Variants in ITPK1 observed in about 807,000 individuals in gnomAD.
The protein encoded by ITPK1 is inositol-tetrakisphosphate 1-kinase.
Under a neutral mutation model 45.3 loss-of-function variants are expected in ITPK1, and 21 were observed. That is an observed-to-expected ratio of 0.46 (90% CI 0.33 to 0.67). The LOEUF is 0.67. ITPK1 is among the 30% of genes least tolerant of loss of function. ITPK1 has a pLI of 0.02. For synonymous variants in ITPK1, 258 were observed against 253.6 expected (o/e 1.02, Z -0.16); for missense variants, 474 against 573.5 (o/e 0.83, Z 1.77).
chr14:92,959,092 T>C lies in ITPK1; in HGVS notation c.505-726A>G, dbSNP rs12431825. ...TTGTGCTCCTGGTCCCCGACTCCTCTGGGGAAAAAGGTCCCTGACAGGAGG... is the reference window on the plus strand; with the variant it reads ...TTGTGCTCCTGGTCCCCGACTCCTCCGGGGAAAAAGGTCCCTGACAGGAGG... On this transcript the variant is annotated intron_variant, in intron 7 of 10. Coordinates refer to ENST00000267615, the MANE Select transcript of ITPK1 (RefSeq NM_014216.6). 8.9e-3 allele frequency among the ~76,000 whole-genome samples: 1,359 copies of C among 152,190 alleles called. 17 individuals are homozygous for C. Among genetic ancestry groups the C allele is most frequent in the African/African-American group, 0.031 (1,277 of 41,504 alleles).
chr14:93,108,811 G>A (rs966964803), intron 2 of ITPK1, among the ~76,000 whole-genome samples: 2 of 152,196 alleles, frequency 1.3e-5, no homozygotes, highest in African/African-American at 2.4e-5. Flanking sequence ...CCAGGAGTTC[G>A]AAACCAACCT....
intron 3 of ITPK1, chr14:93,066,281 G>T: frequency 2.2e-6 from 1 of 454,644 alleles, no homozygotes. Context: ...AGCTCAGCTT[G>T]GTGTGCGTGC....
In ITPK1 at chr14:93,076,936, C is replaced by A. The variant is rs1308772650; in HGVS notation, c.96-317G>T. 1.3e-5 allele frequency among the ~76,000 whole-genome samples: 2 copies of A among 152,160 alleles called. No homozygotes were observed. The highest frequency in any genetic ancestry group is 2.9e-5 in the Non-Finnish European group (2 of 68,040). On this transcript the variant is annotated intron_variant, in intron 2 of 10. Transcript: ENST00000267615. The surrounding 1 kb of genome is among the most constrained non-coding windows in gnomAD (Gnocchi z 4.3). The stretch of plus-strand genomic sequence containing the variant: ...GCTCCAGCCTGGGTCGTCCCAAGGC[C>A]CCTGCCACCAAGTTCACCACCATCC...
intron 2 of ITPK1, among the ~76,000 whole-genome samples, chr14:93,086,374 G>A (rs539415642): frequency 2.0e-5 from 3 of 152,346 alleles, no homozygotes; most frequent in African/African-American, 7.2e-5. Flanking sequence ...TGAGGGCTGG[G>A]GGCAGCTCCT....
intron 1 of ITPK1, among the ~76,000 whole-genome samples, 162 bp from the exon 2 acceptor site, chr14:93,115,467 C>T (rs542113429): frequency 0.02 from 3,016 of 149,110 alleles, 70 homozygotes; most frequent in Admixed American, 0.08. Context: ...GCCGCGCCGC[C>T]CGGCCTGCCG....
chr14:93,030,089 A>G (rs1485662249), intron 3 of ITPK1, among the ~76,000 whole-genome samples: 1 of 152,236 alleles, frequency 6.6e-6, no homozygotes, highest in African/African-American at 2.4e-5. Context: ...GCACGAAGTT[A>G]GCGCGCAATG....
chr14:92,939,587 A>C lies in ITPK1; in HGVS notation c.*1974T>G. ...AAATGCAGCTGCCCTGCACACCCAC[A>C]GCCCCGCCCCCGCCCCACCACGGAG... On this transcript the variant is annotated 3_prime_UTR_variant, in exon 11 of 11. Transcript: ENST00000267615. 1.2e-5 allele frequency: 7 copies of C among 577,218 alleles called. No individual in the cohort carries two copies. The highest frequency in any genetic ancestry group is 1.4e-4 in the East Asian group (1 of 6,964). The allele number at this position is 577,218 out of a possible 1,614,324, so 35.8% of individuals were successfully genotyped here.
chr14:93,029,282 C>T (rs1195769613), intron 3 of ITPK1, among the ~76,000 whole-genome samples: 1 of 152,134 alleles, frequency 6.6e-6, no homozygotes, highest in Non-Finnish European at 1.5e-5. Flanking sequence ...ACACCTCACA[C>T]TGCCCGCCCC....
chr14:93,003,953 A>C (rs1470314012), intron 4 of ITPK1, among the ~76,000 whole-genome samples: 1 of 152,236 alleles, frequency 6.6e-6, no homozygotes, highest in Non-Finnish European at 1.5e-5. Context: ...TTCATTTATA[A>C]CATCCTTTCT....
At chr14:92,972,685 G>A (rs1369250077) in intron 5 of ITPK1, among the ~76,000 whole-genome samples, 1 of 152,086 alleles carries the variant, frequency 6.6e-6, no homozygotes, top group Non-Finnish European at 1.5e-5. Flanking sequence ...TCCCCCTCCC[G>A]GTTCAAGCAA....
At chr14:92,973,633 T>C (rs1176935234) in intron 5 of ITPK1, among the ~76,000 whole-genome samples, 1 of 152,170 alleles carries the variant, frequency 6.6e-6, no homozygotes, top group African/African-American at 2.4e-5. Context: ...TGAACCAAGT[T>C]CCAGCCTGAC....
intron 4 of ITPK1, among the ~76,000 whole-genome samples, chr14:93,007,698 T>A (rs1392739910): frequency 6.6e-6 from 1 of 152,062 alleles, no homozygotes; most frequent in Non-Finnish European, 1.5e-5. Context: ...CTGCCAGGGG[T>A]GACCTGGCTA....
intron 4 of ITPK1, among the ~76,000 whole-genome samples, chr14:93,002,593 C>T (rs973329709): frequency 1.3e-5 from 2 of 152,104 alleles, no homozygotes; most frequent in Admixed American, 6.5e-5. Flanking sequence ...TACCCCAAGG[C>T]GAGGCCACCA....
At chr14:93,040,632 T>G (rs1335079260) in intron 3 of ITPK1, among the ~76,000 whole-genome samples, 1 of 152,194 alleles carries the variant, frequency 6.6e-6, no homozygotes, top group Non-Finnish European at 1.5e-5. Flanking sequence ...CCTCAGGACC[T>G]GGTGAGCTCC....
intron 2 of ITPK1, among the ~76,000 whole-genome samples, chr14:93,081,020 T>C (rs1299866707): frequency 6.6e-6 from 1 of 150,732 alleles, no homozygotes; most frequent in East Asian, 2.0e-4. Flanking sequence ...TACAATTTAA[T>C]AATTTTTAAG....
Position 92,938,214 on chromosome 14 carries a change from T to G in ITPK1, c.*3347A>C. 1 of 546,462 alleles carries G rather than the reference T, an allele frequency of 1.8e-6. No homozygotes were observed. Among genetic ancestry groups the G allele is most frequent in the Non-Finnish European group, 3.2e-6 (1 of 309,082 alleles). 33.9% of individuals were successfully genotyped at this position (546,462 alleles called of 1,614,324 possible). On this transcript the variant is annotated 3_prime_UTR_variant, in exon 11 of 11. Transcript: ENST00000267615. ...ACCTTGTGATCCACCTGCCTCAGCCTCCCTAAGTGCTGGGATGACAGGCGT... is the reference window on the plus strand; with the variant it reads ...ACCTTGTGATCCACCTGCCTCAGCCGCCCTAAGTGCTGGGATGACAGGCGT...
intron 2 of ITPK1, among the ~76,000 whole-genome samples, chr14:93,086,370 C>T (rs1022469853): frequency 6.6e-6 from 1 of 152,270 alleles, no homozygotes; most frequent in East Asian, 1.9e-4. Flanking sequence ...GGCCTGAGGG[C>T]TGGGGGCAGC....
intron 2 of ITPK1, among the ~76,000 whole-genome samples, chr14:93,097,214 A>G (rs1223662552): frequency 6.6e-6 from 1 of 152,180 alleles, no homozygotes; most frequent in Non-Finnish European, 1.5e-5. Flanking sequence ...CCCTGTATCC[A>G]GGCCCTTTGC....
At chr14:93,087,126 T>C (rs1006695839) in intron 2 of ITPK1, among the ~76,000 whole-genome samples, 2 of 152,346 alleles carry the variant, frequency 1.3e-5, no homozygotes, top group Admixed American at 6.5e-5. Context: ...TATTATTCTC[T>C]TAGGGTTCTG....
Sources: allele counts gnomAD v4.1 joint callset (sites outside exome capture counted in the v4.1 genomes callset), GRCh38; gene constraint gnomAD v4.1.1; non-coding constraint Gnocchi (gnomAD v3.1); transcripts MANE v1.5; gene names NCBI Gene and HGNC (gene_info 2026-07-23, HGNC 2026-07-21).